KIF7: variants seen among roughly 807,000 people sequenced by gnomAD.
KIF7 encodes kinesin-like protein KIF7.
A neutral mutation model predicts 135.7 loss-of-function variants in KIF7; 104 were observed. That is an observed-to-expected ratio of 0.77 (90% CI 0.65 to 0.90). The LOEUF is 0.90. Among genes scored for constraint, KIF7 ranks in the 40% least tolerant of loss-of-function variants. The pLI is 0.00. For missense variants in KIF7, 2,005 were observed against 1,839.1 expected (o/e 1.09, Z -1.65); for synonymous variants, 883 against 809.4 (o/e 1.09, Z -1.54).
At chr15:89,643,336 G>A (rs977381480) in intron 10 of KIF7, among the ~76,000 whole-genome samples, 4 of 152,220 alleles carry the variant, frequency 2.6e-5, no homozygotes, top group African/African-American at 9.6e-5. Flanking sequence ...GGTATTGTAA[G>A]AAATCTAGAG....
Position 89,628,410 on chromosome 15 carries a change from C to T in KIF7, c.*9G>A, listed in dbSNP as rs1416703441. ...AGTCTCCCTCCAAGGCAGGGTCTGC[C>T]CCGAGGGCTTACAGGGGGTTTTTCC... On this transcript the variant is annotated 3_prime_UTR_variant, in exon 19 of 19. Transcript: ENST00000394412. The T allele has an allele frequency of 8.1e-6, 13 of 1,600,334 alleles. No individual in the cohort carries two copies. Among genetic ancestry groups the T allele is most frequent in the African/African-American group, 5.4e-5 (4 of 74,574 alleles).
At chr15:89,619,665 T>C in intron 1 of KIF7, 1 of 1,574,818 alleles carries the variant, frequency 6.3e-7, no homozygotes. Flanking sequence ...AATGTCAAGC[T>C]TGTAGTTGTC....
In KIF7 at chr15:89,631,672, C is replaced by T. The variant is rs1302626408; in HGVS notation, c.2934G>A (p.Leu978=). 6 of 1,558,926 alleles carry T rather than the reference C, an allele frequency of 3.8e-6. No homozygotes were observed. Among genetic ancestry groups the T allele is most frequent in the Admixed American group, 1.9e-5 (1 of 52,970 alleles). The change falls in exon 15 of 19, where the codon CTG becomes CTA. Residue 978 remains leucine, a synonymous_variant. Transcript: ENST00000394412. The part of the protein sequence containing the change: ...NEDIVRVSSR[L]EHLEKELSEK... ...CGGACAGCTCCTTCTCCAGGTGCTC[C>T]AGCCGGCTGGACACTCGCACGATGT...
intron 7 of KIF7, 45 bp from the exon 8 acceptor site, chr15:89,646,071 A>T (rs368912052): frequency 2.7e-4 from 429 of 1,611,270 alleles, no homozygotes; most frequent in Non-Finnish European, 3.3e-4. Flanking sequence ...CATCCCTGCG[A>T]TATACCCCAC....
At chr15:89,654,166 C>T (rs1188341570) in intron 1 of KIF7, among the ~76,000 whole-genome samples, 2 of 152,030 alleles carry the variant, frequency 1.3e-5, no homozygotes, top group Non-Finnish European at 2.9e-5. Flanking sequence ...CCCGCCACCA[C>T]GCCCGGCTAA....
chr15:89,635,448 A>G (rs944237180), intron 11 of KIF7, among the ~76,000 whole-genome samples: 7 of 152,370 alleles, frequency 4.6e-5, no homozygotes, highest in South Asian at 2.1e-4. Flanking sequence ...AGAAGAATGT[A>G]TAACTAGAAT....
intron 11 of KIF7, among the ~76,000 whole-genome samples, chr15:89,638,367 T>C (rs1963853188): frequency 6.8e-6 from 1 of 147,396 alleles, no homozygotes; most frequent in African/African-American, 2.5e-5. Flanking sequence ...TGTCCCTGTT[T>C]GCAGATGACA....
rs190865269 is a variant in KIF7 at position 89,633,999 on chromosome 15, A to G, written c.2395-116T>C. On this transcript the variant is annotated intron_variant, in intron 11 of 18. Coordinates refer to ENST00000394412, the MANE Select transcript of KIF7 (RefSeq NM_198525.3). ...GGGCAAATGGGTAGGTGGGTGATAG[A>G]CCAATAATAATAACAGAGGCCGGGT... 4 of 1,070,640 alleles carry G rather than the reference A, an allele frequency of 3.7e-6. No individual in the cohort carries two copies. The East Asian group carries it at 7.3e-5, about 20-fold the overall frequency. The allele number at this position is 1,070,640 out of a possible 1,614,324, so 66.3% of individuals were successfully genotyped here. A position where few individuals can be genotyped will look rare whatever the true frequency, so the allele number is the denominator to read the frequency against.
At chr15:89,656,134 C>G (rs868122830), upstream of KIF7, among the ~76,000 whole-genome samples, 28 of 152,130 alleles carry the variant, frequency 1.8e-4, no homozygotes, top group African/African-American at 6.3e-4. Context: ...AGAAGATTAC[C>G]TGTCATAGAC....
At chr15:89,623,851 C>G, downstream of KIF7, 2 of 1,613,962 alleles carry the variant, frequency 1.2e-6, no homozygotes, top group Non-Finnish European at 1.7e-6. Context: ...ACGACATACC[C>G]AGGCAGGAGA....
intron 11 of KIF7, among the ~76,000 whole-genome samples, chr15:89,641,889 G>GA (rs1371370804): frequency 6.6e-6 from 1 of 152,142 alleles, no homozygotes; most frequent in Non-Finnish European, 1.5e-5. Context: ...AGGGGTAAGC[G>GA]AATGGAGAGC....
At chr15:89,636,274 C>T (rs1163635135) in intron 11 of KIF7, among the ~76,000 whole-genome samples, 20 of 150,934 alleles carry the variant, frequency 1.3e-4, no homozygotes, top group South Asian at 2.1e-4. Flanking sequence ...CATGAACTAA[C>T]GAGCAAAATA....
intron 11 of KIF7, among the ~76,000 whole-genome samples, chr15:89,638,955 C>A (rs1963865318): frequency 5.9e-5 from 9 of 152,048 alleles, no homozygotes; most frequent in Admixed American, 3.9e-4. Flanking sequence ...AGATATAGAT[C>A]AATGGAACAG....
rs543942301 is a variant in KIF7 at position 89,652,902 on chromosome 15, C to A, written c.29G>T (p.Gly10Val). The A allele has an allele frequency of 6.5e-7, 1 of 1,530,690 alleles. No homozygotes were observed. The highest frequency in any genetic ancestry group is 2.5e-5 in the East Asian group (1 of 40,606). The allele number at this position is 1,530,690 out of a possible 1,614,324, so 94.8% of individuals were successfully genotyped here. A position where few individuals can be genotyped will look rare whatever the true frequency, so the allele number is the denominator to read the frequency against. Residue 10 changes from glycine to valine, a missense_variant, in exon 2 of 19, where the codon GGG (glycine) becomes GTG (valine). Coordinates refer to ENST00000394412, the MANE Select transcript of KIF7 (RefSeq NM_198525.3). ...AACCCGCACTGGGGCCTCCTCAGCC[C>A]CTGGCAGCCTCTGAGCCTCCAGCCC... Reference protein sequence around the residue: MGLEAQRLPGAEEAPVRVAL... With the variant: MGLEAQRLPVAEEAPVRVAL...
chr15:89,625,743 A>C (rs774508518), downstream of KIF7: 15 of 1,612,740 alleles, frequency 9.3e-6, no homozygotes, highest in African/African-American at 2.0e-4. Flanking sequence ...GTTGGAGTGC[A>C]TGGCAGCTAC....
At chr15:89,620,560 C>G (rs781647960) in intron 1 of KIF7, among the ~76,000 whole-genome samples, 1 of 152,114 alleles carries the variant, frequency 6.6e-6, no homozygotes, top group Non-Finnish European at 1.5e-5. Context: ...TCTACATTTT[C>G]TAACATAGGA....
At chr15:89,617,312 G>C (rs1963350659) in intron 2 of KIF7, among the ~76,000 whole-genome samples, 1 of 152,208 alleles carries the variant, frequency 6.6e-6, no homozygotes, top group Admixed American at 6.5e-5. Flanking sequence ...TGGTGGGTCA[G>C]AGGCATATAT....
At chr15:89,654,171 G>T (rs1009860428) in intron 1 of KIF7, among the ~76,000 whole-genome samples, 1 of 151,860 alleles carries the variant, frequency 6.6e-6, no homozygotes, top group Admixed American at 6.6e-5. Flanking sequence ...CACCACGCCC[G>T]GCTAATTTTT....
In KIF7 at chr15:89,628,623, G is replaced by A. The variant is rs149585159; in HGVS notation, c.3828C>T (p.Thr1276=). 66 of 1,613,222 alleles carry A rather than the reference G, an allele frequency of 4.1e-5. 1 individual carries two copies. In the African/African-American group the frequency reaches 7.6e-4, roughly 19 times the overall value. The change falls in exon 19 of 19, where the codon ACC becomes ACT. Residue 1276 remains threonine (T), a synonymous_variant. Transcript: ENST00000394412. ...RDLVHAPLPL[T]WKRSSLCGEE... ...CACCACACAGGCTCGAGCGTTTCCA[G>A]GTCAAGGGTAACGGAGCGTGGACCA...
Sources: gnomAD v4.1 joint callset for allele counts (sites outside exome capture counted in the v4.1 genomes callset) on GRCh38, gnomAD v4.1.1 for gene constraint, MANE v1.5 for transcripts, NCBI Gene and HGNC (gene_info 2026-07-23, HGNC 2026-07-21) for gene names.